Variants in ADAMTS6 observed in about 807,000 individuals in gnomAD.
The protein encoded by ADAMTS6 is ADAM metallopeptidase with thrombospondin type 1 motif 6.
ADAMTS6 carries 23 observed loss-of-function variants against 144.3 expected under a neutral mutation model. The observed-to-expected ratio is 0.16, with a 90% confidence interval of 0.11 to 0.23. The LOEUF (loss-of-function observed/expected upper bound fraction) is 0.23, where lower values mean the gene tolerates loss of function less well. Ranked by LOEUF, ADAMTS6 falls within the 10% of genes least tolerant of loss-of-function variation. ADAMTS6 has a pLI of 1.00. For synonymous variants in ADAMTS6, 444 were observed against 457.5 expected (o/e 0.97, Z 0.38); for missense variants, 999 against 1,379.6 (o/e 0.72, Z 4.37).
Position 65,215,431 on chromosome 5 carries a change from G to A in ADAMTS6, c.2329C>T (p.Pro777Ser). Residue 777 changes from proline to serine, a missense_variant, in exon 19 of 25, where the codon CCT becomes TCT. Around this residue, in one of 3 missense-constraint regions of ADAMTS6, gnomAD observed 619 missense variants for 837.0 expected, o/e 0.74. Coordinates refer to ENST00000381055, the MANE Select transcript of ADAMTS6 (RefSeq NM_197941.4). ...YINGAWTIDW[P>S]RKFDVAGTAF... ...GTCCCAGCAACATCAAATTTCCTAG[G>A]CCAGTCAATAGTCCAGGCACCATTA... 1 of 1,613,916 alleles carries A rather than the reference G, an allele frequency of 6.2e-7. No homozygotes were observed. The highest frequency in any genetic ancestry group is 8.5e-7 in the Non-Finnish European group (1 of 1,179,922).
chr5:65,258,251 G>A (rs191768086), intron 14 of ADAMTS6, among the ~76,000 whole-genome samples: 3 of 152,230 alleles, frequency 2.0e-5, no homozygotes, highest in Non-Finnish European at 2.9e-5. Context: ...AAGGTGAGGC[G>A]AGAGAGTTAA....
intron 20 of ADAMTS6, among the ~76,000 whole-genome samples, chr5:65,205,237 TCA>T (rs1756004832): frequency 6.6e-6 from 1 of 152,176 alleles, no homozygotes; most frequent in African/African-American, 2.4e-5. Flanking sequence ...CAAGTGTTAG[TCA>T]TTATTTTTGT....
chr5:65,469,943 A>C (rs1760309000), intron 3 of ADAMTS6, among the ~76,000 whole-genome samples: 1 of 152,236 alleles, frequency 6.6e-6, no homozygotes. Context: ...GGGTAAACAC[A>C]GAAGAGAAAG....
At chr5:65,198,454 T>C (rs955552353) in intron 20 of ADAMTS6, 2 of 166,946 alleles carry the variant, frequency 1.2e-5, no homozygotes, top group Non-Finnish European at 2.9e-5. Context: ...ACACACCAAA[T>C]GCTTCCCCCA....
intron 18 of ADAMTS6, 84 bp downstream of exon 18, chr5:65,224,236 G>T: frequency 9.1e-7 from 1 of 1,096,586 alleles, no homozygotes. Context: ...CCTCAAAGAA[G>T]CATGCCTTTT....
Position 65,481,456 on chromosome 5 carries a change from A to AT in ADAMTS6, c.-394dup, listed in dbSNP as rs1211316143. On this transcript the variant is annotated 5_prime_UTR_variant, in exon 1 of 25. Transcript: ENST00000381055. ...TTTTTTTAATTTTTTTTATTTTTTT[A>AT]TTTTTTGCCCCCCTTTGCAAAGCCA... The AT allele has an allele frequency of 3.3e-5, 5 of 150,938 alleles. No homozygotes were observed. The highest frequency in any genetic ancestry group is 6.6e-5 in the Admixed American group (1 of 15,184). 9.3% of individuals were successfully genotyped at this position (150,938 alleles called of 1,614,324 possible). A position where few individuals can be genotyped will look rare whatever the true frequency, so the allele number is the denominator to read the frequency against.
At chr5:65,152,794 G>T (rs1269421835) in intron 24 of ADAMTS6, among the ~76,000 whole-genome samples, 2 of 152,152 alleles carry the variant, frequency 1.3e-5, no homozygotes, top group African/African-American at 4.8e-5. Flanking sequence ...CAACCCCACT[G>T]CTAGCAATAA....
chr5:65,351,651 G>A (rs192083370), intron 7 of ADAMTS6, among the ~76,000 whole-genome samples: 1 of 152,280 alleles, frequency 6.6e-6, no homozygotes, highest in East Asian at 1.9e-4. Context: ...GTACAGTGGT[G>A]TGAGCCTGTA....
chr5:65,161,720 G>C (rs909534288), intron 24 of ADAMTS6, among the ~76,000 whole-genome samples: 2 of 152,164 alleles, frequency 1.3e-5, no homozygotes, highest in Non-Finnish European at 2.9e-5. Context: ...GTAATTAGCT[G>C]CTGATTAAAT....
At chr5:65,463,950 C>A (rs955763596) in intron 3 of ADAMTS6, among the ~76,000 whole-genome samples, 1 of 152,176 alleles carries the variant, frequency 6.6e-6, no homozygotes, top group African/African-American at 2.4e-5. Context: ...CCAAACAATT[C>A]TTTCTCCTTC....
chr5:65,206,727 G>A (rs1580054879), intron 20 of ADAMTS6, among the ~76,000 whole-genome samples: 1 of 147,112 alleles, frequency 6.8e-6, no homozygotes, highest in African/African-American at 2.5e-5. Flanking sequence ...AAAAGAATCA[G>A]GTAAAGACTC....
rs567418799 is a variant in ADAMTS6, at chr5:65,203,736, T to A, written c.2576-6585A>T. 2.0e-5 allele frequency among the ~76,000 whole-genome samples: 3 copies of A among 152,126 alleles called. No individual in the cohort carries two copies. In the East Asian group the frequency reaches 5.8e-4, roughly 29 times the overall value. On this transcript the variant is annotated intron_variant, in intron 20 of 24. Transcript: ENST00000381055. ...ATAAGTTCCCACAAAATCAGGATGA[T>A]CATGCTTACCATAATAAAAGGCTTT... is the stretch of plus-strand genomic sequence containing the variant.
intron 9 of ADAMTS6, among the ~76,000 whole-genome samples, chr5:65,323,452 A>G (rs934101467): frequency 6.6e-6 from 1 of 151,766 alleles, no homozygotes; most frequent in African/African-American, 2.4e-5. Flanking sequence ...TGAAATCATC[A>G]TTTTTTATGG....
At chr5:65,215,183 C>G (rs1756826392) in intron 19 of ADAMTS6, 141 bp downstream of exon 19, 1 of 1,109,902 alleles carries the variant, frequency 9.0e-7, no homozygotes, top group East Asian at 2.5e-5. Context: ...CTGCACAGCT[C>G]TAACACCCTT....
intron 21 of ADAMTS6, among the ~76,000 whole-genome samples, chr5:65,194,284 A>C (rs983251784): frequency 6.6e-6 from 1 of 152,170 alleles, no homozygotes; most frequent in Non-Finnish European, 1.5e-5. Flanking sequence ...TTGAATTTTA[A>C]CCTTTTCCTA....
chr5:65,459,023 C>T (rs1290942126), intron 4 of ADAMTS6, among the ~76,000 whole-genome samples: 2 of 151,378 alleles, frequency 1.3e-5, no homozygotes, highest in Non-Finnish European at 2.9e-5. Context: ...TCTTCATTTT[C>T]GTCTTTTTTT....
chr5:65,226,056 C>A, intron 16 of ADAMTS6, 30 bp downstream of exon 16: 1 of 1,567,116 alleles, frequency 6.4e-7, no homozygotes, highest in South Asian at 1.2e-5. Flanking sequence ...TCTCAAAAAC[C>A]CCAACAGAAA....
chr5:65,426,573 C>T (rs908487651), intron 7 of ADAMTS6, among the ~76,000 whole-genome samples: 3 of 151,818 alleles, frequency 2.0e-5, no homozygotes, highest in Admixed American at 6.6e-5. Flanking sequence ...AAAAACAACA[C>T]TTTCAAAAAA....
chr5:65,156,502 T>G (rs1280239213), intron 24 of ADAMTS6, among the ~76,000 whole-genome samples: 1 of 152,202 alleles, frequency 6.6e-6, no homozygotes, highest in Non-Finnish European at 1.5e-5. Flanking sequence ...TTGGCATTGA[T>G]TTCTAGCTGA....
Sources: gnomAD v4.1 joint callset for allele counts (sites outside exome capture counted in the v4.1 genomes callset) on GRCh38, gnomAD v4.1.1 for gene constraint, gnomAD v4.1.1 regional missense constraint, MANE v1.5 for transcripts, NCBI Gene and HGNC (gene_info 2026-07-23, HGNC 2026-07-21) for gene names.